Variants in TEP1 observed in about 807,000 individuals in gnomAD.
TEP1 encodes telomerase associated protein 1.
TEP1 carries 241 observed loss-of-function variants against 306.3 expected under a neutral mutation model. The observed-to-expected ratio is 0.79, with a 90% CI of 0.71 to 0.88. The LOEUF (loss-of-function observed/expected upper bound fraction) is 0.88. TEP1 is among the 40% of genes least tolerant of loss of function. The pLI is 0.00. For synonymous variants in TEP1, 1,289 were observed against 1,305.5 expected (o/e 0.99, Z 0.27); for missense variants, 3,051 against 3,276.1 (o/e 0.93, Z 1.68).
At chr14:20,396,376 G>A (rs1402781170) in intron 10 of TEP1, among the ~76,000 whole-genome samples, 2 of 152,208 alleles carry the variant, frequency 1.3e-5, no homozygotes, top group Non-Finnish European at 2.9e-5. Context: ...AAGTCACTGA[G>A]CTCAGAAAAT....
At position 20,384,047 on chromosome 14, in the gene TEP1, T is replaced by C. The variant is rs1207647768; in HGVS notation, c.3525A>G (p.Thr1175=). ...LVTGQSGQGK[T]AFLASLVSAL... ...CCCTGAGACTCTGTACCAGGAAGGC[T>C]GTCTTGCCCTGTCCTGACTGCCCCG... is the stretch of plus-strand genomic sequence containing the variant. The change falls in exon 24 of 55, where the codon ACA becomes ACG. Residue 1175 remains threonine (T), a synonymous_variant. Transcript: ENST00000262715. 4.4e-6 allele frequency: 7 copies of C among 1,604,918 alleles called. No homozygotes were observed. The South Asian group carries it at 7.8e-5, about 18-fold the overall frequency.
rs577274597 is a variant in TEP1 at position 20,370,240 on chromosome 14, G to A, written c.7318-461C>T. 1.0e-3 allele frequency among the ~76,000 whole-genome samples: 111 copies of A among 110,268 alleles called. 1 individual carries two copies. The highest frequency in any genetic ancestry group is 3.3e-3 in the African/African-American group (105 of 31,602). 72.3% of individuals were successfully genotyped at this position (110,268 alleles called of 152,430 possible). The stretch of plus-strand genomic sequence containing the variant: ...AGTGCACAAATCTTAAATGTACATC[G>A]GCGATGTATTTTTACATGTGCATCC... On this transcript the variant is annotated intron_variant, in intron 51 of 54. Transcript: ENST00000262715.
chr14:20,408,504 C>T, intron 1 of TEP1, 41 bp from the exon 2 acceptor site: 2 of 1,498,410 alleles, frequency 1.3e-6, no homozygotes, highest in African/African-American at 1.4e-5. Flanking sequence ...CCTGGCTGCA[C>T]TGAGCGTGTA....
chr14:20,401,143 T>G lies in TEP1; in HGVS notation c.1392-2A>C. 1 of 1,613,688 alleles carries G rather than the reference T, an allele frequency of 6.2e-7. No individual in the cohort carries two copies. Among genetic ancestry groups the G allele is most frequent in the Non-Finnish European group, 8.5e-7 (1 of 1,179,924 alleles). On this transcript the variant is annotated splice_acceptor_variant, in intron 8 of 54. Coordinates refer to ENST00000262715, the MANE Select transcript of TEP1 (RefSeq NM_007110.5). LOFTEE classifies it high-confidence loss of function. Reference sequence around the variant, plus strand: ...AAGAGCTGTAGGTTGGAGGGGTATCTGAGGATAGGTAAGAAAGAGGTCTAT... The same window carrying G: ...AAGAGCTGTAGGTTGGAGGGGTATCGGAGGATAGGTAAGAAAGAGGTCTAT...
At chr14:20,408,917 AC>A (rs1879417979) in intron 1 of TEP1, among the ~76,000 whole-genome samples, 1 of 151,588 alleles carries the variant, frequency 6.6e-6, no homozygotes, top group Non-Finnish European at 1.5e-5. Context: ...AACCCCCCTG[AC>A]CCCCGCTGCA....
rs753761955 is a variant in TEP1, at chr14:20,379,964, C to T, written c.5093G>A (p.Gly1698Glu). The T allele has an allele frequency of 1.7e-5, 27 of 1,613,754 alleles. No homozygotes were observed. Among genetic ancestry groups the T allele is most frequent in the Non-Finnish European group, 2.2e-5 (26 of 1,179,968 alleles). ...TCTCAGGTCCAACAGGTAAACTGTC[C>T]CATTGGCAGTGCCCACAGCTGCTCT... ...GQRAAVGTAN[G>E]TVYLLDLRTW... The change falls in exon 35 of 55, where the codon GGG (glycine) becomes GAG (glutamate). Residue 1698 changes from glycine to glutamate, a missense_variant. Transcript: ENST00000262715.
In TEP1 at chr14:20,368,764, GCACACACACACACACA is replaced by G; in HGVS notation, c.7761+18_7761+33del. On this transcript the variant is annotated intron_variant, in intron 54 of 54. Coordinates refer to ENST00000262715, the MANE Select transcript of TEP1 (RefSeq NM_007110.5). The stretch of plus-strand genomic sequence containing the variant: ...CTTTGGGATAGGTGTGCAGGCGCAC[GCACACACACACACACA>G]CACACACACACACTTACCAGCTGCA... The G allele has an allele frequency of 4.5e-6, 6 of 1,343,574 alleles. No homozygotes were observed. Among genetic ancestry groups the G allele is most frequent in the Non-Finnish European group, 5.3e-6 (5 of 950,826 alleles). 83.2% of individuals were successfully genotyped at this position (1,343,574 alleles called of 1,614,324 possible). A position where few individuals can be genotyped will look rare whatever the true frequency, so the allele number is the denominator to read the frequency against.
intron 2 of TEP1, 26 bp downstream of exon 2, chr14:20,407,847 T>A: frequency 6.5e-7 from 1 of 1,542,454 alleles, no homozygotes; most frequent in South Asian, 1.2e-5. Flanking sequence ...ATGGCTGGAG[T>A]CAAGATGAGT....
chr14:20,387,826 T>C lies in TEP1; in HGVS notation c.2684+79A>G, dbSNP rs1033204804. ...AGAGAACAAGCGGCACCTCACCAGC[T>C]AGAATTTCAGCCCCAGGGTTTCCCA... is the stretch of plus-strand genomic sequence containing the variant. On this transcript the variant is annotated intron_variant, in intron 18 of 54. Transcript: ENST00000262715. 6 of 1,507,484 alleles carry C rather than the reference T, an allele frequency of 4.0e-6. No individual in the cohort carries two copies. The African/African-American group carries it at 5.7e-5, about 14-fold the overall frequency. 93.4% of individuals were successfully genotyped at this position (1,507,484 alleles called of 1,614,324 possible).
Position 20,378,546 on chromosome 14 carries a change from G to A in TEP1, c.5353-11C>T, listed in dbSNP as rs1453225737. ...GACTGTGTCCCACAGCTGAGGGAGA[G>A]AGAGGAGGAATCAGGATGCTGAAGA... On this transcript the variant is annotated splice_polypyrimidine_tract_variant and intron_variant, in intron 37 of 54. Transcript: ENST00000262715. 4 of 1,614,004 alleles carry A rather than the reference G, an allele frequency of 2.5e-6. No individual in the cohort carries two copies. In the African/African-American group the frequency reaches 4.0e-5, roughly 16 times the overall value.
chr14:20,383,278 C>T lies in TEP1; in HGVS notation c.3943G>A (p.Val1315Met), dbSNP rs542092282. The stretch of plus-strand genomic sequence containing the variant: ...GCCTCCAGAGGCCCCAAGGCCAGCA[C>T]GTGGGCACCCTGGCTCTGCTCAAGG... The part of the protein sequence containing the change: ...ETLEQSQGAH[V>M]LALGPLEASA... Residue 1315 changes from valine to methionine, a missense_variant, in exon 27 of 55, where the codon GTG (valine) becomes ATG (methionine). Val to Met is a conservative substitution (Grantham distance 21). Transcript: ENST00000262715. The T allele has an allele frequency of 1.8e-5, 29 of 1,613,670 alleles. No individual in the cohort carries two copies. The Middle Eastern group carries it at 1.2e-3, about 64-fold the overall frequency.
At chr14:20,411,591 A>G (rs1306287447) in intron 1 of TEP1, among the ~76,000 whole-genome samples, 2 of 152,094 alleles carry the variant, frequency 1.3e-5, no homozygotes, top group African/African-American at 2.4e-5. Flanking sequence ...TCCTGAGGAG[A>G]GAGACCCTTT....
chr14:20,373,713 A>C lies in TEP1; in HGVS notation c.6569T>G (p.Ile2190Ser), dbSNP rs1884999877. The change falls in exon 45 of 55, where the codon ATT becomes AGT. Residue 2190 changes from isoleucine (I) to serine (S), a missense_variant. This residue lies in a region of TEP1 where 1,540 missense variants were observed against 1,705.9 expected (regional missense o/e 0.90). Coordinates refer to ENST00000262715, the MANE Select transcript of TEP1 (RefSeq NM_007110.5). ...CTCCATGGCAGCTGCACAGTGGCTA[A>C]TGGGTCCTGAGTGAGCAGGGATGCT... ...LTSIPAHSGP[I>S]SHCAAAMEPR... The C allele has an allele frequency of 6.2e-7, 1 of 1,614,068 alleles. No individual in the cohort carries two copies. Among genetic ancestry groups the C allele is most frequent in the Non-Finnish European group, 8.5e-7 (1 of 1,180,042 alleles).
At chr14:20,406,175 C>G in intron 3 of TEP1, 58 bp downstream of exon 3, 1 of 1,585,452 alleles carries the variant, frequency 6.3e-7, no homozygotes, top group South Asian at 1.1e-5. Context: ...TCAAGTACTC[C>G]ACCACCAACC....
intron 5 of TEP1, 120 bp from the exon 6 acceptor site, chr14:20,404,004 A>G: frequency 6.7e-6 from 9 of 1,338,368 alleles, no homozygotes; most frequent in Non-Finnish European, 9.2e-6. Flanking sequence ...TCCCAGCCCT[A>G]GCTCCAAAAT....
intron 43 of TEP1, 108 bp from the exon 44 acceptor site, chr14:20,374,644 G>A (rs1594324173): frequency 1.5e-6 from 1 of 648,410 alleles, no homozygotes. Flanking sequence ...AAGGGCCTGG[G>A]TTCTCCTGGG....
Position 20,406,396 on chromosome 14 carries a change from C to T in TEP1, c.572G>A (p.Arg191His), listed in dbSNP as rs748410198. ...TETAQEATLG[R>H]WFDSEEKKGA... ...TTTCTTCTCTTCTGAATCAAACCAA[C>T]GACCCTGGGGTAGTAGTGGCAGTTA... Residue 191 changes from arginine (R) to histidine (H), a missense_variant, in exon 3 of 55, where the codon CGT becomes CAT. Transcript: ENST00000262715. The T allele has an allele frequency of 1.4e-5, 22 of 1,613,866 alleles. No individual in the cohort carries two copies. The highest frequency in any genetic ancestry group is 5.0e-5 in the Admixed American group (3 of 60,004).
intron 29 of TEP1, 35 bp from the exon 30 acceptor site, chr14:20,382,098 C>A: frequency 6.2e-7 from 1 of 1,612,724 alleles, no homozygotes; most frequent in Non-Finnish European, 8.5e-7. Flanking sequence ...CCTCATCTAA[C>A]CATACGGTGT....
At chr14:20,370,631 A>G (rs1398563290) in intron 51 of TEP1, among the ~76,000 whole-genome samples, 1 of 152,260 alleles carries the variant, frequency 6.6e-6, no homozygotes, top group Non-Finnish European at 1.5e-5. Flanking sequence ...TGATGAATAA[A>G]GCTGCTATGA....
Sources: allele counts gnomAD v4.1 joint callset (sites outside exome capture counted in the v4.1 genomes callset), GRCh38; gene constraint gnomAD v4.1.1; regional missense constraint gnomAD v4.1.1; transcripts MANE v1.5; gene names NCBI Gene and HGNC (gene_info 2026-07-23, HGNC 2026-07-21).